Variants in EPHA3 observed in about 807,000 individuals in gnomAD.
EPHA3 encodes EPH receptor A3.
A neutral mutation model predicts 107.1 loss-of-function variants in EPHA3; 42 were observed. That is an observed-to-expected ratio of 0.39 (90% confidence interval 0.31 to 0.51). The LOEUF (loss-of-function observed/expected upper bound fraction) is 0.51, where lower values mean the gene tolerates loss of function less well. Ranked by LOEUF, EPHA3 falls within the 20% of genes least tolerant of loss-of-function variation. EPHA3 has a pLI of 0.78. For synonymous variants in EPHA3, 461 were observed against 424.8 expected (o/e 1.09, Z -1.05); for missense variants, 1,183 against 1,211.2 (o/e 0.98, Z 0.35).
At chr3:89,246,228 T>G in intron 3 of EPHA3, among the ~76,000 whole-genome samples, 1 of 152,122 alleles carries the variant, frequency 6.6e-6, no homozygotes, top group East Asian at 1.9e-4. Context: ...ACACTTCCAG[T>G]GCAGTATGGA....
intron 3 of EPHA3, among the ~76,000 whole-genome samples, chr3:89,246,695 T>C (rs1705041315): frequency 6.6e-6 from 1 of 152,240 alleles, no homozygotes. Context: ...TTCAATAACT[T>C]TTCTTTGATA....
At chr3:89,353,779 A>T in intron 5 of EPHA3, among the ~76,000 whole-genome samples, 1 of 151,368 alleles carries the variant, frequency 6.6e-6, no homozygotes, top group East Asian at 1.9e-4. Flanking sequence ...CAGTTATTCA[A>T]AACCCTTATA....
intron 2 of EPHA3, among the ~76,000 whole-genome samples, chr3:89,138,445 A>G (rs925730834): frequency 6.6e-6 from 1 of 151,988 alleles, no homozygotes; most frequent in Non-Finnish European, 1.5e-5. Flanking sequence ...GAATTAAGTG[A>G]TAGGAAAATG....
chr3:89,362,972 G>A (rs1653313526), intron 5 of EPHA3, among the ~76,000 whole-genome samples: 1 of 151,018 alleles, frequency 6.6e-6, no homozygotes, highest in South Asian at 2.1e-4. Context: ...AACCCAAACT[G>A]TGATAAGATT....
At chr3:89,146,721 C>G (rs1174064026) in intron 2 of EPHA3, among the ~76,000 whole-genome samples, 1 of 151,876 alleles carries the variant, frequency 6.6e-6, no homozygotes, top group Admixed American at 6.6e-5. Context: ...TTTGCCCATG[C>G]CTATGTCCTG....
Position 89,481,663 on chromosome 3 carries a change from C to A in EPHA3, c.*2161C>A, listed in dbSNP as rs1320508559. The A allele has an allele frequency of 8.6e-6, 2 of 232,068 alleles. No individual in the cohort carries two copies. Among genetic ancestry groups the A allele is most frequent in the Non-Finnish European group, 1.7e-5 (2 of 117,194 alleles). The allele number at this position is 232,068 out of a possible 1,614,324, so 14.4% of individuals were successfully genotyped here. ...GAGGTTGTATACACCATATACTGTT[C>A]TTCATTTTATTAATATTTTTCTCCT... On this transcript the variant is annotated 3_prime_UTR_variant, in exon 17 of 17. Coordinates refer to ENST00000336596, the MANE Select transcript of EPHA3 (RefSeq NM_005233.6).
At chr3:89,332,256 G>A (rs1299427922) in intron 3 of EPHA3, among the ~76,000 whole-genome samples, 1 of 152,152 alleles carries the variant, frequency 6.6e-6, no homozygotes, top group Non-Finnish European at 1.5e-5. Flanking sequence ...AGGACCAGAA[G>A]CTGTTTTAAC....
At chr3:89,230,372 T>C (rs1704600876) in intron 3 of EPHA3, among the ~76,000 whole-genome samples, 1 of 152,106 alleles carries the variant, frequency 6.6e-6, no homozygotes, top group Non-Finnish European at 1.5e-5. Context: ...TGTTGGAATG[T>C]ATTGGAATGC....
intron 3 of EPHA3, among the ~76,000 whole-genome samples, chr3:89,214,600 A>C (rs1704181251): frequency 6.6e-6 from 1 of 151,940 alleles, no homozygotes; most frequent in Non-Finnish European, 1.5e-5. Context: ...TTTTCTAAAG[A>C]GACATTTTTT....
At chr3:89,284,985 G>T (rs1372798022) in intron 3 of EPHA3, among the ~76,000 whole-genome samples, 2 of 152,056 alleles carry the variant, frequency 1.3e-5, no homozygotes, top group African/African-American at 4.8e-5. Context: ...AATTAGCTGG[G>T]CACGGTGGTG....
At chr3:89,173,180 G>GTT (rs1559584639) in intron 2 of EPHA3, among the ~76,000 whole-genome samples, 1 of 151,996 alleles carries the variant, frequency 6.6e-6, no homozygotes, top group African/African-American at 2.4e-5. Flanking sequence ...GTAACTCTAA[G>GTT]TAGAGATGCA....
At chr3:89,132,773 C>G (rs919314973) in intron 2 of EPHA3, among the ~76,000 whole-genome samples, 6 of 152,166 alleles carry the variant, frequency 3.9e-5, no homozygotes, top group African/African-American at 1.4e-4. Context: ...ACCTGTAGTT[C>G]TAGCTACTCA....
At chr3:89,209,126 C>T (rs1706200725) in intron 2 of EPHA3, among the ~76,000 whole-genome samples, 1 of 152,162 alleles carries the variant, frequency 6.6e-6, no homozygotes, top group South Asian at 2.1e-4. Context: ...TCTAAGATAA[C>T]CTTAACTGCT....
intron 5 of EPHA3, among the ~76,000 whole-genome samples, chr3:89,364,864 C>T (rs1010881498): frequency 2.7e-5 from 4 of 150,864 alleles, no homozygotes; most frequent in East Asian, 1.9e-4. Flanking sequence ...TTCATCACTC[C>T]TTGCTACTTT....
rs753127242 is a variant in EPHA3 at position 89,413,170 on chromosome 3, G to A, written c.1792G>A (p.Asp598Asn). 1 of 1,611,414 alleles carries A rather than the reference G, an allele frequency of 6.2e-7. No homozygotes were observed. Residue 598 changes from aspartate (D) to asparagine (N), a missense_variant, in exon 10 of 17, where the codon GAC becomes AAC. Transcript: ENST00000336596. ...ACTTCCAGGTCTCAGGACTTATGTT[G>A]ACCCACATACATATGAAGACCCTAC... ...LKLPGLRTYVDPHTYEDPTQA... is the reference protein window; with the variant it reads ...LKLPGLRTYVNPHTYEDPTQA...
At chr3:89,116,014 G>A (rs550107847) in intron 1 of EPHA3, among the ~76,000 whole-genome samples, 4 of 152,242 alleles carry the variant, frequency 2.6e-5, no homozygotes, top group Non-Finnish European at 4.4e-5. Flanking sequence ...ATAAATGAGG[G>A]TACTTTGGAA....
Position 89,126,261 on chromosome 3 carries a change from G to C in EPHA3, c.89-948G>C, listed in dbSNP as rs1317022478. ...TCCTCCATTAGTCAATCATGGGATT[G>C]TTTTCTAATTTAGGAGAAAGATGAG... is the stretch of plus-strand genomic sequence containing the variant. On this transcript the variant is annotated intron_variant, in intron 1 of 16. Transcript: ENST00000336596. Among the ~76,000 whole-genome samples the C allele has an allele frequency of 4.6e-5, 7 of 151,744 alleles. No homozygotes were observed. The East Asian group carries it at 1.4e-3, about 29-fold the overall frequency.
At chr3:89,123,534 G>C (rs187667366) in intron 1 of EPHA3, among the ~76,000 whole-genome samples, 108 of 152,212 alleles carry the variant, frequency 7.1e-4, no homozygotes, top group Non-Finnish European at 1.2e-3. Context: ...TAGTAACTTA[G>C]TGCCCATCTG....
chr3:89,413,044 T>C, intron 9 of EPHA3, 97 bp from the exon 10 acceptor site: 1 of 1,511,918 alleles, frequency 6.6e-7, no homozygotes, highest in South Asian at 1.2e-5. Context: ...CCTTATGGGG[T>C]AGGGATTTTT....
Sources: gnomAD v4.1 joint callset for allele counts (sites outside exome capture counted in the v4.1 genomes callset) on GRCh38, gnomAD v4.1.1 for gene constraint, MANE v1.5 for transcripts, NCBI Gene and HGNC (gene_info 2026-07-23, HGNC 2026-07-21) for gene names.